The following KATNAL1 variants were observed in gnomAD, a reference collection of about 807,000 sequenced individuals.
KATNAL1 encodes katanin p60 ATPase-containing subunit A-like 1.
KATNAL1 carries 32 observed loss-of-function variants against 55.2 expected under a neutral mutation model. That is an observed-to-expected ratio of 0.58 (90% CI 0.44 to 0.78). The LOEUF (loss-of-function observed/expected upper bound fraction) is 0.78. Ranked by LOEUF, KATNAL1 falls within the 30% of genes least tolerant of loss-of-function variation. KATNAL1 has a pLI of 0.00. For missense variants in KATNAL1, 466 were observed against 600.9 expected (o/e 0.78, Z 2.35); for synonymous variants, 193 against 193.6 (o/e 1.00, Z 0.02).
chr13:30,274,184 C>T (rs940383877), intron 3 of KATNAL1, among the ~76,000 whole-genome samples: 1 of 152,204 alleles, frequency 6.6e-6, no homozygotes, highest in African/African-American at 2.4e-5. Flanking sequence ...ACTTGCTCCC[C>T]AACCTTCTAA....
At chr13:30,289,515 T>C (rs978019478) in intron 1 of KATNAL1, among the ~76,000 whole-genome samples, 2 of 152,218 alleles carry the variant, frequency 1.3e-5, no homozygotes, top group African/African-American at 4.8e-5. Flanking sequence ...GATATTCCTT[T>C]TTATGTTTTC....
intron 9 of KATNAL1, among the ~76,000 whole-genome samples, chr13:30,221,877 C>A (rs920585840): frequency 6.6e-6 from 1 of 152,106 alleles, no homozygotes; most frequent in Non-Finnish European, 1.5e-5. Flanking sequence ...CATGAGGAAA[C>A]CCTGTCTCTA....
intron 6 of KATNAL1, among the ~76,000 whole-genome samples, chr13:30,237,424 G>A (rs1203180153): frequency 6.6e-6 from 1 of 152,188 alleles, no homozygotes; most frequent in Non-Finnish European, 1.5e-5. Flanking sequence ...GAGTCTCAAT[G>A]TAAGAGTGAT....
At chr13:30,232,342 G>A (rs1876186505) in intron 6 of KATNAL1, among the ~76,000 whole-genome samples, 1 of 152,108 alleles carries the variant, frequency 6.6e-6, no homozygotes, top group Non-Finnish European at 1.5e-5. Context: ...CAAGCTTCTG[G>A]GGATTTAGGC....
chr13:30,280,778 T>C (rs1881221374), intron 2 of KATNAL1, among the ~76,000 whole-genome samples: 1 of 152,190 alleles, frequency 6.6e-6, no homozygotes, highest in Admixed American at 6.5e-5. Flanking sequence ...TTAAATTATT[T>C]TGAGTTCTGA....
intron 6 of KATNAL1, among the ~76,000 whole-genome samples, chr13:30,239,687 T>G: frequency 5.2e-5 from 1 of 19,186 alleles, no homozygotes; most frequent in East Asian, 9.8e-3. Flanking sequence ...CAGAAGTGAT[T>G]TTTTTTTTTT....
intron 3 of KATNAL1, among the ~76,000 whole-genome samples, chr13:30,261,756 C>G (rs570300749): frequency 2.9e-3 from 449 of 152,268 alleles, no homozygotes; most frequent in Non-Finnish European, 3.0e-3. Context: ...AAGACTCCCA[C>G]ACATTAATAA....
Position 30,232,033 on chromosome 13 carries a change from G to A in KATNAL1, c.727-561C>T, listed in dbSNP as rs528589138. Among the ~76,000 whole-genome samples the A allele has an allele frequency of 1.4e-4, 22 of 152,186 alleles. No homozygotes were observed. In the South Asian group the frequency reaches 1.9e-3, roughly 13 times the overall value. ...AGCAAGATTTGTATCATTTTAATGC[G>A]TTAGCTTATATAAAATAGTAATAGT... On this transcript the variant is annotated intron_variant, in intron 6 of 10. Coordinates refer to ENST00000380615, the MANE Select transcript of KATNAL1 (RefSeq NM_032116.5).
chr13:30,281,738 A>T (rs1456773835), intron 2 of KATNAL1: 1 of 152,234 alleles, frequency 6.6e-6, no homozygotes, highest in Non-Finnish European at 1.5e-5. Flanking sequence ...TTTTTAGAAG[A>T]TTTTAAATTT....
At chr13:30,213,934 C>T (rs1212354638) in intron 9 of KATNAL1, among the ~76,000 whole-genome samples, 1 of 151,948 alleles carries the variant, frequency 6.6e-6, no homozygotes, top group Non-Finnish European at 1.5e-5. Flanking sequence ...GGCAATTAGG[C>T]AGGAGAAGGA....
chr13:30,253,857 G>GAAA (rs35828971), intron 4 of KATNAL1, among the ~76,000 whole-genome samples: 6 of 152,098 alleles, frequency 3.9e-5, no homozygotes, highest in African/African-American at 1.2e-4. Flanking sequence ...GGTTAAACAG[G>GAAA]AAAAAGATGT....
intron 4 of KATNAL1, among the ~76,000 whole-genome samples, chr13:30,254,740 GACATCACGGTGGAA>G (rs1878636450): frequency 6.6e-6 from 1 of 151,954 alleles, no homozygotes; most frequent in South Asian, 2.1e-4. Context: ...ATTCATTTAT[GACATCACGGTGGAA>G]ACAGGAAATA....
chr13:30,204,807 C>T lies in KATNAL1; in HGVS notation c.*3733G>A, dbSNP rs547322714. On this transcript the variant is annotated 3_prime_UTR_variant, in exon 11 of 11. Coordinates refer to ENST00000380615, the MANE Select transcript of KATNAL1 (RefSeq NM_032116.5). ...AGCTGAAATTAAGCCCTGAGCTATA[C>T]AGCTAGACCACCGCATGTTTTCCCC... 6.6e-6 allele frequency: 1 copy of T among 152,228 alleles called. No homozygotes were observed. The highest frequency in any genetic ancestry group is 1.9e-4 in the East Asian group (1 of 5,174). The allele number at this position is 152,228 out of a possible 1,614,324, so 9.4% of individuals were successfully genotyped here. A position where few individuals can be genotyped will look rare whatever the true frequency, so the allele number is the denominator to read the frequency against.
intron 1 of KATNAL1, among the ~76,000 whole-genome samples, chr13:30,297,442 T>C (rs1214635599): frequency 6.6e-6 from 1 of 152,214 alleles, no homozygotes; most frequent in East Asian, 1.9e-4. Context: ...ATTGTTGGTA[T>C]GGAAAGCAGT....
At position 30,266,970 on chromosome 13, in the gene KATNAL1, T is replaced by C. The variant is rs142241971; in HGVS notation, c.324-11355A>G. Among the ~76,000 whole-genome samples, 525 of 152,326 alleles carry C rather than the reference T, an allele frequency of 3.4e-3. 2 individuals carry two copies. The highest frequency in any genetic ancestry group is 5.4e-3 in the Non-Finnish European group (370 of 68,030). On this transcript the variant is annotated intron_variant, in intron 3 of 10. Transcript: ENST00000380615. ...AGCTGGGATATTGAGTGGATTCTTGTCAGTGTTTCGGATGAGCCATACTAA... is the reference window on the plus strand; with the variant it reads ...AGCTGGGATATTGAGTGGATTCTTGCCAGTGTTTCGGATGAGCCATACTAA...
At position 30,203,204 on chromosome 13, in the gene KATNAL1, GAA is replaced by G. The variant is rs1872836762; in HGVS notation, c.*5334_*5335del. ...AGACATTTCACAGAGGCCTTATTTG[GAA>G]TACAAACACTTTGCTAGAGAAAGAA... On this transcript the variant is annotated 3_prime_UTR_variant, in exon 11 of 11. Coordinates refer to ENST00000380615, the MANE Select transcript of KATNAL1 (RefSeq NM_032116.5). The G allele has an allele frequency of 6.6e-6, 1 of 152,130 alleles. No homozygotes were observed. The highest frequency in any genetic ancestry group is 1.9e-4 in the East Asian group (1 of 5,196). The allele number at this position is 152,130 out of a possible 1,614,324, so 9.4% of individuals were successfully genotyped here.
intron 3 of KATNAL1, among the ~76,000 whole-genome samples, chr13:30,259,520 G>A (rs1292981083): frequency 4.6e-5 from 7 of 151,964 alleles, no homozygotes; most frequent in South Asian, 2.1e-4. Flanking sequence ...TGTGCGCACC[G>A]TGCACGAGCC....
At chr13:30,224,004 T>A (rs958158927) in intron 9 of KATNAL1, among the ~76,000 whole-genome samples, 4 of 152,150 alleles carry the variant, frequency 2.6e-5, no homozygotes. Flanking sequence ...ACAGAGTATG[T>A]TCCTAACTGC....
At chr13:30,218,115 GA>G (rs1874475834) in intron 9 of KATNAL1, among the ~76,000 whole-genome samples, 3 of 151,562 alleles carry the variant, frequency 2.0e-5, no homozygotes, top group East Asian at 1.9e-4. Flanking sequence ...CAGAATGGGG[GA>G]AAAAGGTAAG....
Sources: gnomAD v4.1 joint callset for allele counts (sites outside exome capture counted in the v4.1 genomes callset) on GRCh38, gnomAD v4.1.1 for gene constraint, MANE v1.5 for transcripts, NCBI Gene and HGNC (gene_info 2026-07-23, HGNC 2026-07-21) for gene names.